ROBO1: variants seen among roughly 807,000 people sequenced by gnomAD.
ROBO1 encodes the protein roundabout homolog 1.
A neutral mutation model predicts 195.9 loss-of-function variants in ROBO1; 149 were observed. The ratio of observed to expected loss-of-function variants is 0.76; its 90% CI spans 0.67 to 0.87. ROBO1 has a LOEUF of 0.87. ROBO1 is among the 40% of genes least tolerant of loss of function. The probability of loss-of-function intolerance (pLI) is 0.00; values close to 1 mark genes in which losing one functional copy is unlikely to be tolerated. For missense variants in ROBO1, 1,933 were observed against 2,068.3 expected (o/e 0.93, Z 1.27); for synonymous variants, 816 against 733.2 (o/e 1.11, Z -1.82).
At position 78,793,161 on chromosome 3, in the gene ROBO1, G is replaced by A. The variant is rs2084077630; in HGVS notation, c.500-46261C>T. Reference sequence around the variant, plus strand: ...AAAAAAAAAAAAAGAAAGAAAGAAAGAGAAAGGGAAAGGAAAGGAACAGAG... The same window carrying A: ...AAAAAAAAAAAAAGAAAGAAAGAAAAAGAAAGGGAAAGGAAAGGAACAGAG... On this transcript the variant is annotated intron_variant, in intron 4 of 30. Transcript: ENST00000464233. Among the ~76,000 whole-genome samples, 5 of 150,486 alleles carry A rather than the reference G, an allele frequency of 3.3e-5. No homozygotes were observed. The South Asian group carries it at 1.1e-3, about 32-fold the overall frequency.
chr3:79,340,598 T>C (rs1206653976), intron 2 of ROBO1, among the ~76,000 whole-genome samples: 1 of 152,162 alleles, frequency 6.6e-6, no homozygotes, highest in Non-Finnish European at 1.5e-5. Flanking sequence ...AGAAATTAAC[T>C]TTTCCTATTA....
chr3:79,117,540 C>T (rs1249062108), intron 3 of ROBO1, among the ~76,000 whole-genome samples: 2 of 152,044 alleles, frequency 1.3e-5, no homozygotes, highest in South Asian at 2.1e-4. Context: ...ACCTGGGAGG[C>T]CTAAGTGAGG....
intron 3 of ROBO1, among the ~76,000 whole-genome samples, chr3:79,102,306 C>T (rs529437964): frequency 2.0e-5 from 3 of 151,688 alleles, no homozygotes; most frequent in South Asian, 2.1e-4. Flanking sequence ...TTTACCTGAA[C>T]GACTACAGAT....
chr3:79,566,724 C>G (rs1322353289), intron 2 of ROBO1, among the ~76,000 whole-genome samples: 1 of 151,982 alleles, frequency 6.6e-6, no homozygotes, highest in Admixed American at 6.6e-5. Flanking sequence ...ATCAAAACCA[C>G]AATGAGATAC....
chr3:79,599,731 G>A (rs758597493), intron 1 of ROBO1, among the ~76,000 whole-genome samples: 1 of 151,904 alleles, frequency 6.6e-6, no homozygotes, highest in East Asian at 1.9e-4. Context: ...GAAAAACGGG[G>A]ATATTATCTT....
At chr3:79,093,884 CA>C (rs1281408512) in intron 3 of ROBO1, among the ~76,000 whole-genome samples, 1 of 151,946 alleles carries the variant, frequency 6.6e-6, no homozygotes, top group Non-Finnish European at 1.5e-5. Flanking sequence ...ATCAGAGAAA[CA>C]GGGGGAGAGC....
chr3:78,705,486 G>A (rs2081528076), intron 8 of ROBO1, among the ~76,000 whole-genome samples: 1 of 152,182 alleles, frequency 6.6e-6, no homozygotes, highest in South Asian at 2.1e-4. Context: ...ATTTGCCTAG[G>A]ATTCAACAAC....
intron 3 of ROBO1, among the ~76,000 whole-genome samples, chr3:79,006,893 C>T (rs1341843618): frequency 6.6e-6 from 1 of 151,974 alleles, no homozygotes; most frequent in Non-Finnish European, 1.5e-5. Context: ...TTTAAATCTC[C>T]TGATCCAGAA....
chr3:79,761,945 T>C (rs979456364), intron 1 of ROBO1, among the ~76,000 whole-genome samples: 1 of 152,136 alleles, frequency 6.6e-6, no homozygotes, highest in African/African-American at 2.4e-5. Context: ...ATATATTCTA[T>C]TGTAGTAATT....
intron 9 of ROBO1, 40 bp from the exon 10 acceptor site, chr3:78,685,957 GTTAA>G: frequency 6.8e-7 from 1 of 1,476,198 alleles, no homozygotes; most frequent in Non-Finnish European, 9.1e-7. Context: ...ATAAAAATAG[GTTAA>G]TTGTTAGGTT....
intron 1 of ROBO1, among the ~76,000 whole-genome samples, chr3:79,711,932 T>TATGAACGGGG (rs1560121915): frequency 7.7e-6 from 1 of 129,106 alleles, no homozygotes; most frequent in African/African-American, 3.0e-5. Flanking sequence ...GGCGGGTGGG[T>TATGAACGGGG]GGGGGAGCAC....
intron 1 of ROBO1, among the ~76,000 whole-genome samples, chr3:79,696,846 C>T (rs1299932114): frequency 2.0e-5 from 3 of 151,442 alleles, no homozygotes; most frequent in African/African-American, 7.3e-5. Context: ...AAGTCAATAT[C>T]ACCTTCTAAT....
At chr3:79,589,351 C>G (rs1943924673) in intron 2 of ROBO1, among the ~76,000 whole-genome samples, 1 of 151,690 alleles carries the variant, frequency 6.6e-6, no homozygotes, top group Non-Finnish European at 1.5e-5. Flanking sequence ...GGTAGCAACA[C>G]AGCAGCATGT....
chr3:78,665,501 C>T (rs978278115), intron 14 of ROBO1, among the ~76,000 whole-genome samples: 11 of 152,140 alleles, frequency 7.2e-5, no homozygotes, highest in Admixed American at 6.6e-4. Flanking sequence ...TCAGTCCAAT[C>T]TGTTGAGTTA....
intron 2 of ROBO1, among the ~76,000 whole-genome samples, chr3:79,163,414 G>A (rs2081008159): frequency 6.6e-6 from 1 of 151,954 alleles, no homozygotes; most frequent in Non-Finnish European, 1.5e-5. Flanking sequence ...ACATTTTGCT[G>A]GTTCATTCAT....
rs1553750391 is a variant in ROBO1, at chr3:78,860,326, A to ATT, written c.499+78273_499+78274dup. ...ACTATATATATATATATATATATAT[A>ATT]TTTTTTTTTTTTTACTCATAAGGTG... On this transcript the variant is annotated intron_variant, in intron 4 of 30. Coordinates refer to ENST00000464233, the MANE Select transcript of ROBO1 (RefSeq NM_002941.4). Among the ~76,000 whole-genome samples the ATT allele has an allele frequency of 3.0e-3, 282 of 93,494 alleles. 2 individuals are homozygous for ATT. Among genetic ancestry groups the ATT allele is most frequent in the South Asian group, 8.3e-3 (21 of 2,536 alleles). 61.3% of individuals were successfully genotyped at this position (93,494 alleles called of 152,430 possible).
At chr3:78,621,137 T>C (rs1359911643) in intron 26 of ROBO1, among the ~76,000 whole-genome samples, 1 of 151,982 alleles carries the variant, frequency 6.6e-6, no homozygotes, top group Admixed American at 6.6e-5. Flanking sequence ...AGGAGAAATA[T>C]GAAAAATGTG....
At chr3:79,124,821 T>A (rs936811068) in intron 3 of ROBO1, among the ~76,000 whole-genome samples, 10 of 152,176 alleles carry the variant, frequency 6.6e-5, no homozygotes, top group Non-Finnish European at 1.3e-4. Flanking sequence ...AACAAAAAAT[T>A]CCATGTGACA....
chr3:79,100,076 C>A (rs1334479259), intron 3 of ROBO1, among the ~76,000 whole-genome samples: 1 of 151,672 alleles, frequency 6.6e-6, no homozygotes, highest in African/African-American at 2.4e-5. Flanking sequence ...ATGGCCAAGA[C>A]AAAACTTCCT....
Sources: allele counts gnomAD v4.1 joint callset (sites outside exome capture counted in the v4.1 genomes callset), GRCh38; gene constraint gnomAD v4.1.1; transcripts MANE v1.5; gene names NCBI Gene and HGNC (gene_info 2026-07-23, HGNC 2026-07-21).